The following TMEM67 variants were observed in gnomAD, a reference collection of about 807,000 sequenced individuals.
TMEM67 encodes the protein transmembrane protein 67.
In TMEM67, 124 loss-of-function variants were observed where a neutral mutation model predicts 136.6. The observed-to-expected ratio is 0.91, with a 90% confidence interval of 0.78 to 1.05. TMEM67 has a LOEUF of 1.05. Ranked by LOEUF, TMEM67 falls within the 50% of genes least tolerant of loss-of-function variation. TMEM67 has a pLI of 0.00. For missense variants in TMEM67, 1,107 were observed against 1,178.4 expected, an observed-to-expected ratio of 0.94 and a Z score of 0.89; for synonymous variants, 364 against 390.5, an observed-to-expected ratio of 0.93 and a Z score of 0.80.
intron 7 of TMEM67, among the ~76,000 whole-genome samples, chr8:93,779,288 G>A (rs1563457128): frequency 1.3e-5 from 2 of 152,072 alleles, no homozygotes; most frequent in African/African-American, 2.4e-5. Context: ...GCTTCCTTCC[G>A]ACGGGTTCGA....
intron 14 of TMEM67, among the ~76,000 whole-genome samples, chr8:93,789,229 T>A (rs1814260742): frequency 1.3e-5 from 2 of 152,158 alleles, no homozygotes; most frequent in Admixed American, 1.3e-4. Flanking sequence ...GATTCAAACT[T>A]TAATTAAGCA....
In TMEM67 at chr8:93,795,906, G is replaced by A; in HGVS notation, c.1779G>A (p.Gln593=). Residue 593 remains glutamine, a synonymous_variant, in exon 18 of 28, where the codon CAG becomes CAA. Transcript: ENST00000453321. Reference sequence around the variant, plus strand: ...TCAAGTAATTTTTATTATAGGCACAGAAGTCTGTGTCTGTTTTGCTGCCAA... The same window carrying A: ...TCAAGTAATTTTTATTATAGGCACAAAAGTCTGTGTCTGTTTTGCTGCCAA... ...GLYWLIFFKA[Q]KSVSVLLPMP... 1 of 1,598,884 alleles carries A rather than the reference G, an allele frequency of 6.3e-7. No homozygotes were observed. Among genetic ancestry groups the A allele is most frequent in the Non-Finnish European group, 8.6e-7 (1 of 1,166,470 alleles).
intron 26 of TMEM67, among the ~76,000 whole-genome samples, chr8:93,810,309 G>A (rs533332957): frequency 1.5e-3 from 230 of 150,556 alleles, no homozygotes; most frequent in African/African-American, 5.3e-3. Flanking sequence ...GGCTAGGTGC[G>A]GTGGCTCATG....
rs760694612 is a variant in TMEM67 at position 93,815,461 on chromosome 8, A to T, written c.2907+14A>T. 1.9e-5 allele frequency: 30 copies of T among 1,601,578 alleles called. No homozygotes were observed. The highest frequency in any genetic ancestry group is 2.5e-5 in the Non-Finnish European group (29 of 1,171,358). On this transcript the variant is annotated intron_variant, in intron 27 of 27. Transcript: ENST00000453321. ...CTACAACAAGAGGTAAACTTTTAAA[A>T]TTTTTCTACATTTTCCTTCATTTTC...
chr8:93,824,115 T>G (rs1051417461), downstream of TMEM67, among the ~76,000 whole-genome samples: 4 of 152,226 alleles, frequency 2.6e-5, no homozygotes, highest in African/African-American at 7.2e-5. Flanking sequence ...AGGGACAGCT[T>G]GTAGCAGACC....
At chr8:93,799,088 G>T (rs569677123) in intron 20 of TMEM67, among the ~76,000 whole-genome samples, 1 of 152,154 alleles carries the variant, frequency 6.6e-6, no homozygotes, top group South Asian at 2.1e-4. Flanking sequence ...ACCTTTTACT[G>T]TAAAACTTCT....
At chr8:93,801,661 C>G (rs1814877843) in intron 21 of TMEM67, among the ~76,000 whole-genome samples, 1 of 152,116 alleles carries the variant, frequency 6.6e-6, no homozygotes. Flanking sequence ...CTCAGCCTCC[C>G]AAAGTGCCAG....
chr8:93,785,744 G>A lies in TMEM67; in HGVS notation c.1288+366G>A, dbSNP rs550726372. On this transcript the variant is annotated intron_variant, in intron 12 of 27. Transcript: ENST00000453321. Reference sequence around the variant, plus strand: ...TTCTGCTTTTTCAGGTAATTTGCAGGGGAAAGCCTTCCAAATTTATGAAAA... The same window carrying A: ...TTCTGCTTTTTCAGGTAATTTGCAGAGGAAAGCCTTCCAAATTTATGAAAA... The A allele has an allele frequency of 7.1e-5, 15 of 209,814 alleles. No homozygotes were observed. The East Asian group carries it at 1.8e-3, about 26-fold the overall frequency. 13.0% of individuals were successfully genotyped at this position (209,814 alleles called of 1,614,324 possible).
At position 93,787,930 on chromosome 8, in the gene TMEM67, C is replaced by T. The variant is rs755530336; in HGVS notation, c.1499C>T (p.Ala500Val). The change falls in exon 14 of 28, where the codon GCC becomes GTC. Residue 500 changes from alanine (A) to valine (V), a missense_variant. This residue lies in a region of TMEM67 where 925 missense variants were observed against 1,002.4 expected (regional missense o/e 0.92). Coordinates refer to ENST00000453321, the MANE Select transcript of TMEM67 (RefSeq NM_153704.6). ...TACAGTGACATTGATATCAAAGATG[C>T]CAACAGCCAGTCTGTGAAGGTGAGT... ...IAYSDIDIKD[A>V]NSQSVKVSFS... 38 of 1,613,272 alleles carry T rather than the reference C, an allele frequency of 2.4e-5. 2 individuals are homozygous for T. The South Asian group carries it at 3.3e-4, about 14-fold the overall frequency.
intron 23 of TMEM67, among the ~76,000 whole-genome samples, chr8:93,805,735 G>A (rs1330125117): frequency 6.6e-6 from 1 of 152,160 alleles, no homozygotes; most frequent in Non-Finnish European, 1.5e-5. Context: ...CCTTATAGAA[G>A]AAAGTAGAAG....
chr8:93,765,779 CAT>C, intron 6 of TMEM67, 133 bp downstream of exon 6: 1 of 711,702 alleles, frequency 1.4e-6, no homozygotes, highest in Non-Finnish European at 2.5e-6. Context: ...ATCTAAGAAA[CAT>C]TAGTCTAATA....
intron 26 of TMEM67, 65 bp downstream of exon 26, chr8:93,809,952 T>A (rs1808633541): frequency 7.4e-6 from 8 of 1,079,034 alleles, no homozygotes; most frequent in Middle Eastern, 2.1e-4. Flanking sequence ...AAAGTGCTTG[T>A]AGATATTTTT....
chr8:93,815,975 A>G (rs1808891244), intron 27 of TMEM67, among the ~76,000 whole-genome samples: 1 of 152,260 alleles, frequency 6.6e-6, no homozygotes, highest in African/African-American at 2.4e-5. Flanking sequence ...CCACTATGTC[A>G]AAGAAGTATA....
At chr8:93,773,858 C>T (rs1409188440) in intron 7 of TMEM67, among the ~76,000 whole-genome samples, 1 of 151,850 alleles carries the variant, frequency 6.6e-6, no homozygotes, top group Admixed American at 6.6e-5. Context: ...TTCCTTAGTT[C>T]TTCTTTCAGT....
intron 23 of TMEM67, among the ~76,000 whole-genome samples, chr8:93,806,354 A>G (rs897327540): frequency 6.6e-6 from 1 of 152,184 alleles, no homozygotes; most frequent in African/African-American, 2.4e-5. Context: ...AAATGGCATG[A>G]TGGTTATTTA....
chr8:93,831,694 G>A, the TMEM67 span, among the ~76,000 whole-genome samples: 2 of 152,038 alleles, frequency 1.3e-5, no homozygotes, highest in African/African-American at 4.8e-5. Context: ...GCATGTGTGT[G>A]TGTGTGTTTG....
chr8:93,791,826 A>G (rs931488811), intron 15 of TMEM67: 11 of 152,530 alleles, frequency 7.2e-5, no homozygotes, highest in African/African-American at 2.7e-4. Context: ...GAAATTATGC[A>G]AACATCCTGC....
rs369438542 is a variant in TMEM67 at position 93,796,706 on chromosome 8, CAGTA to C, written c.1861-425_1861-422del. Reference sequence around the variant, plus strand: ...GAATAGCAGAAATAGAAAAAAAAGACAGTAAGAGCATTCGAAAACTTTAATTAGG... The same window carrying C: ...GAATAGCAGAAATAGAAAAAAAAGACAGAGCATTCGAAAACTTTAATTAGG... On this transcript the variant is annotated intron_variant, in intron 18 of 27. Coordinates refer to ENST00000453321, the MANE Select transcript of TMEM67 (RefSeq NM_153704.6). Among the ~76,000 whole-genome samples the C allele has an allele frequency of 7.9e-5, 12 of 152,250 alleles. No homozygotes were observed. The South Asian group carries it at 2.1e-3, about 26-fold the overall frequency.
intron 1 of TMEM67, 44 bp downstream of exon 1, chr8:93,755,181 C>T (rs1812513066): frequency 6.5e-7 from 1 of 1,548,040 alleles, no homozygotes; most frequent in Non-Finnish European, 8.9e-7. Context: ...AACACTCCCG[C>T]CTTGGTCGGC....
Sources: allele counts gnomAD v4.1 joint callset (sites outside exome capture counted in the v4.1 genomes callset), GRCh38; gene constraint gnomAD v4.1.1; regional missense constraint gnomAD v4.1.1; transcripts MANE v1.5; gene names NCBI Gene and HGNC (gene_info 2026-07-23, HGNC 2026-07-21).